Variants in LOC400499 observed in about 807,000 individuals in gnomAD.
At chr16:11,386,546 T>C in the LOC400499 span, among the ~76,000 whole-genome samples, 2 of 152,122 alleles carry the variant, frequency 1.3e-5, no homozygotes, top group South Asian at 4.1e-4. Flanking sequence ...GGTACCGGGG[T>C]TCCCCCATAG....
At chr16:11,417,540 T>C in the LOC400499 span, 1 of 398,020 alleles carries the variant, frequency 2.5e-6, no homozygotes. Context: ...TTGACAGGAG[T>C]GCCACCTGGG....
At chr16:11,472,750 G>C in the LOC400499 span, 1 of 152,314 alleles carries the variant, frequency 6.6e-6, no homozygotes, top group East Asian at 1.9e-4. Context: ...GCGTAGCTGT[G>C]AGGATTAACA....
chr16:11,446,602 T>G, the LOC400499 span: 1 of 1,536,078 alleles, frequency 6.5e-7, no homozygotes, highest in South Asian at 1.2e-5. Context: ...GGGGATGACT[T>G]TGCCATCGTA....
chr16:11,448,982 GTTCAGGATC>G, the LOC400499 span: 1 of 1,519,572 alleles, frequency 6.6e-7, no homozygotes, highest in Non-Finnish European at 8.8e-7. Context: ...TCAACCAGCA[GTTCAGGATC>G]TTACGGTCCC....
chr16:11,390,091 A>C, the LOC400499 span: 1 of 1,231,728 alleles, frequency 8.1e-7, no homozygotes, highest in East Asian at 3.2e-5. Context: ...CGCTACTCTC[A>C]AACCCCGAGT....
At chr16:11,441,485 G>C in the LOC400499 span, among the ~76,000 whole-genome samples, 2 of 152,232 alleles carry the variant, frequency 1.3e-5, no homozygotes, top group East Asian at 1.9e-4. Flanking sequence ...TAGAGTGAAA[G>C]AATGAGTAAC....
chr16:11,478,428 T>G, the LOC400499 span: 1 of 398,096 alleles, frequency 2.5e-6, no homozygotes, highest in East Asian at 3.6e-5. Context: ...ACGGAAGAGC[T>G]GGGATTGGAC....
the LOC400499 span, among the ~76,000 whole-genome samples, chr16:11,373,141 T>G: frequency 4.6e-5 from 7 of 152,224 alleles, no homozygotes; most frequent in East Asian, 1.4e-3. Flanking sequence ...ACCCAAAGTG[T>G]GGGCTAAAGG....
the LOC400499 span, among the ~76,000 whole-genome samples, chr16:11,510,803 C>T: frequency 6.6e-6 from 1 of 151,510 alleles, no homozygotes; most frequent in Non-Finnish European, 1.5e-5. Context: ...CAGTTGGGAA[C>T]CAGATGACTC....
the LOC400499 span, among the ~76,000 whole-genome samples, chr16:11,425,887 C>T: frequency 6.6e-6 from 1 of 152,016 alleles, no homozygotes; most frequent in African/African-American, 2.4e-5. Context: ...CTGACGAAAG[C>T]TTTGCAAAAA....
chr16:11,387,077 G>A, the LOC400499 span: 2 of 1,231,486 alleles, frequency 1.6e-6, no homozygotes, highest in South Asian at 4.1e-5. Context: ...GGGCTCTCAG[G>A]GAGGAGGGCG....
chr16:11,509,178 C>T, the LOC400499 span, among the ~76,000 whole-genome samples: 2 of 141,730 alleles, frequency 1.4e-5, no homozygotes, highest in Non-Finnish European at 1.5e-5. Context: ...AGTGCAGTGG[C>T]GCGATCTCGG....
chr16:11,466,735 A>G, the LOC400499 span, among the ~76,000 whole-genome samples: 1 of 152,260 alleles, frequency 6.6e-6, no homozygotes, highest in East Asian at 1.9e-4. Flanking sequence ...ACCATATGGG[A>G]GAGTCAGTTC....
At chr16:11,385,585 A>C in the LOC400499 span, among the ~76,000 whole-genome samples, 1 of 152,184 alleles carries the variant, frequency 6.6e-6, no homozygotes, top group Non-Finnish European at 1.5e-5. Flanking sequence ...GGGATCCCCC[A>C]CCGGCTTCAA....
the LOC400499 span, among the ~76,000 whole-genome samples, chr16:11,505,186 G>T: frequency 1.9e-4 from 28 of 150,954 alleles, no homozygotes; most frequent in African/African-American, 6.6e-4. Context: ...AGCATTTGCC[G>T]ATCGTCATGG....
the LOC400499 span, among the ~76,000 whole-genome samples, chr16:11,396,970 GC>G: frequency 2.6e-5 from 4 of 152,108 alleles, no homozygotes; most frequent in African/African-American, 9.7e-5. Context: ...CCTCTGCAGG[GC>G]TCACACTCAC....
the LOC400499 span, among the ~76,000 whole-genome samples, chr16:11,418,594 T>C: frequency 6.6e-6 from 1 of 152,110 alleles, no homozygotes; most frequent in African/African-American, 2.4e-5. Flanking sequence ...GAAATAGCCA[T>C]AAAAATGGGC....
chr16:11,392,741 GT>G, the LOC400499 span: 43 of 953,278 alleles, frequency 4.5e-5, no homozygotes, highest in East Asian at 1.2e-4. Flanking sequence ...GTTTCCTGAG[GT>G]TTTTTTTTGA....
the LOC400499 span, among the ~76,000 whole-genome samples, chr16:11,413,343 G>A: frequency 6.6e-6 from 1 of 152,176 alleles, no homozygotes; most frequent in African/African-American, 2.4e-5. Flanking sequence ...TGACATCCTG[G>A]CCCCCTGACC....
Sources: gnomAD v4.1 joint callset for allele counts (sites outside exome capture counted in the v4.1 genomes callset) on GRCh38, gnomAD v4.1.1 for gene constraint, MANE v1.5 for transcripts.